Variants in CDK14 observed in about 807,000 individuals in gnomAD.
The protein encoded by CDK14 is cyclin dependent kinase 14.
Under a neutral mutation model 60.7 loss-of-function variants are expected in CDK14, and 34 were observed. That is an observed-to-expected ratio of 0.56 (90% CI 0.43 to 0.75). The LOEUF (loss-of-function observed/expected upper bound fraction) is 0.75. Ranked by LOEUF, CDK14 falls within the 30% of genes least tolerant of loss-of-function variation. The pLI is 0.00. For missense variants in CDK14, 482 were observed against 564.1 expected (o/e 0.85, Z 1.47); for synonymous variants, 197 against 203.7 (o/e 0.97, Z 0.28).
rs201392620 is a variant in CDK14 at position 90,892,307 on chromosome 7, AC to A, written c.640-6983del. ...TTTTAAAAGGGGCAGTTCTCCACTC[AC>A]GCCTGTTTTAAAATGGACATTATAT... On this transcript the variant is annotated intron_variant, in intron 6 of 14. Transcript: ENST00000380050. Among the ~76,000 whole-genome samples, 896 of 152,248 alleles carry A rather than the reference AC, an allele frequency of 5.9e-3. 15 individuals are homozygous for A. The highest frequency in any genetic ancestry group is 0.02 in the African/African-American group (847 of 41,564).
chr7:90,667,106 A>G (rs930488390), intron 2 of CDK14, among the ~76,000 whole-genome samples: 8 of 152,196 alleles, frequency 5.3e-5, no homozygotes, highest in Non-Finnish European at 1.2e-4. Context: ...ATTTTGGGGT[A>G]CATGTGATGC....
intron 10 of CDK14, among the ~76,000 whole-genome samples, chr7:91,019,833 A>T (rs1796391184): frequency 6.6e-6 from 1 of 152,184 alleles, no homozygotes; most frequent in Non-Finnish European, 1.5e-5. Context: ...TACCATGCTA[A>T]TAAGGCCTCT....
At chr7:90,705,855 A>G (rs1801886065) in intron 2 of CDK14, among the ~76,000 whole-genome samples, 1 of 151,960 alleles carries the variant, frequency 6.6e-6, no homozygotes, top group Non-Finnish European at 1.5e-5. Context: ...CTGTATACCT[A>G]CTGTTAAACC....
intron 8 of CDK14, among the ~76,000 whole-genome samples, chr7:90,919,514 G>A (rs971296627): frequency 6.6e-5 from 10 of 152,008 alleles, no homozygotes; most frequent in Admixed American, 6.6e-4. Flanking sequence ...ATTAGAAAAT[G>A]TACAAAGTAT....
At chr7:90,952,624 G>A (rs984108783) in intron 8 of CDK14, among the ~76,000 whole-genome samples, 5 of 152,148 alleles carry the variant, frequency 3.3e-5, no homozygotes, top group Non-Finnish European at 5.9e-5. Context: ...AAGCAGCAAC[G>A]TGCATATAAC....
chr7:91,196,931 G>A (rs550025189), intron 14 of CDK14, among the ~76,000 whole-genome samples: 1 of 152,306 alleles, frequency 6.6e-6, no homozygotes, highest in East Asian at 1.9e-4. Flanking sequence ...CTTTCAGATA[G>A]GAGTGTCACT....
intron 14 of CDK14, among the ~76,000 whole-genome samples, chr7:91,187,766 T>C (rs935342070): frequency 1.3e-5 from 2 of 152,224 alleles, no homozygotes; most frequent in African/African-American, 4.8e-5. Flanking sequence ...GTGACTGATA[T>C]ATGTAGGGTC....
intron 6 of CDK14, among the ~76,000 whole-genome samples, chr7:90,892,969 A>G (rs2117325262): frequency 6.6e-6 from 1 of 152,070 alleles, no homozygotes; most frequent in Non-Finnish European, 1.5e-5. Context: ...TAATAGAGAT[A>G]GGTTTTCACT....
At chr7:90,618,662 G>A (rs752038188) in intron 2 of CDK14, among the ~76,000 whole-genome samples, 4 of 152,150 alleles carry the variant, frequency 2.6e-5, no homozygotes, top group Non-Finnish European at 5.9e-5. Flanking sequence ...ATGATTGGCC[G>A]TCTTCTGCTA....
At chr7:91,062,868 G>A (rs942013129) in intron 11 of CDK14, among the ~76,000 whole-genome samples, 1 of 152,112 alleles carries the variant, frequency 6.6e-6, no homozygotes, top group Non-Finnish European at 1.5e-5. Context: ...TGCATTTCTG[G>A]GCTTCTAGCT....
At chr7:90,667,839 G>T (rs1801017114) in intron 2 of CDK14, among the ~76,000 whole-genome samples, 1 of 152,184 alleles carries the variant, frequency 6.6e-6, no homozygotes, top group South Asian at 2.1e-4. Flanking sequence ...AAAGTGCTGG[G>T]ATTACAGGCG....
At chr7:91,103,844 AAGAGAG>A (rs35892260) in intron 12 of CDK14, among the ~76,000 whole-genome samples, 12 of 144,914 alleles carry the variant, frequency 8.3e-5, no homozygotes, top group African/African-American at 1.5e-4. Context: ...GAGAGAGAGA[AAGAGAG>A]AGAGAGAGAG....
At chr7:90,666,686 C>G (rs781086353) in intron 2 of CDK14, among the ~76,000 whole-genome samples, 1 of 152,180 alleles carries the variant, frequency 6.6e-6, no homozygotes, top group Middle Eastern at 3.4e-3. Flanking sequence ...TAAGAAGAGG[C>G]GGTATCTTAG....
Position 91,001,446 on chromosome 7 carries a change from A to G in CDK14, c.1041+17205A>G, listed in dbSNP as rs1795831258. Among the ~76,000 whole-genome samples the G allele has an allele frequency of 2.0e-5, 3 of 152,248 alleles. No individual in the cohort carries two copies. In the South Asian group the frequency reaches 6.2e-4, roughly 32 times the overall value. ...ACTCAGAAGAGAAAGAAGAAAGCAAATGAAGAGATTTTATCCACGCTGTGT... is the reference window on the plus strand; with the variant it reads ...ACTCAGAAGAGAAAGAAGAAAGCAAGTGAAGAGATTTTATCCACGCTGTGT... On this transcript the variant is annotated intron_variant, in intron 10 of 14. Transcript: ENST00000380050.
intron 9 of CDK14, among the ~76,000 whole-genome samples, chr7:90,983,008 C>G (rs962226030): frequency 5.3e-5 from 8 of 152,160 alleles, no homozygotes; most frequent in South Asian, 2.1e-4. Context: ...GATACTACCT[C>G]ACACCAGTCA....
chr7:90,987,940 T>G (rs1456498841), intron 10 of CDK14, among the ~76,000 whole-genome samples: 2 of 152,126 alleles, frequency 1.3e-5, no homozygotes, highest in South Asian at 2.1e-4. Context: ...TTGTTTTGTG[T>G]TTTAATACAA....
chr7:91,189,957 T>C (rs978532882), intron 14 of CDK14, among the ~76,000 whole-genome samples: 3 of 152,218 alleles, frequency 2.0e-5, no homozygotes, highest in African/African-American at 7.2e-5. Flanking sequence ...CTCATCACTT[T>C]CCTCATTTCC....
At chr7:90,773,843 C>CCTCCTCTCCTCTCCTCTCCTCTCCT (rs530779137) in intron 4 of CDK14, among the ~76,000 whole-genome samples, 96 of 78,638 alleles carry the variant, frequency 1.2e-3, no homozygotes, top group East Asian at 4.5e-3. Flanking sequence ...TCTTCTCTTC[C>CCTCCTCTCCTCTCCTCTCCTCTCCT]CTCCTCTCCT....
intron 14 of CDK14, among the ~76,000 whole-genome samples, chr7:91,182,097 T>C (rs1334901570): frequency 6.6e-6 from 1 of 152,098 alleles, no homozygotes; most frequent in Non-Finnish European, 1.5e-5. Context: ...ATGATACCTC[T>C]TTCTACACAC....
Sources: gnomAD v4.1 joint callset for allele counts (sites outside exome capture counted in the v4.1 genomes callset) on GRCh38, gnomAD v4.1.1 for gene constraint, MANE v1.5 for transcripts, NCBI Gene and HGNC (gene_info 2026-07-23, HGNC 2026-07-21) for gene names.